AFG1L: variants seen among roughly 807,000 people sequenced by gnomAD.
The protein encoded by AFG1L is AFG1-like ATPase.
In AFG1L, 53 loss-of-function variants were observed where a neutral mutation model predicts 62.2. The observed-to-expected ratio is 0.85, with a 90% CI of 0.68 to 1.07. The LOEUF is 1.07. AFG1L is among the 50% of genes least tolerant of loss of function. AFG1L has a pLI of 0.00. For missense variants in AFG1L, 555 were observed against 590.5 expected (o/e 0.94, Z 0.62); for synonymous variants, 228 against 210.3 (o/e 1.08, Z -0.73).
intron 10 of AFG1L, among the ~76,000 whole-genome samples, chr6:108,502,129 C>T (rs1038175893): frequency 5.3e-5 from 8 of 150,898 alleles, no homozygotes; most frequent in Admixed American, 3.3e-4. Context: ...CAGGTTCAAG[C>T]GATTCTCTTG....
intron 7 of AFG1L, among the ~76,000 whole-genome samples, chr6:108,425,462 C>G (rs1265356869): frequency 6.6e-6 from 1 of 151,512 alleles, no homozygotes; most frequent in Non-Finnish European, 1.5e-5. Context: ...TTTGAAGGCT[C>G]TTTAGAAACA....
intron 6 of AFG1L, among the ~76,000 whole-genome samples, chr6:108,399,158 A>G (rs1331777660): frequency 7.1e-6 from 1 of 140,732 alleles, no homozygotes; most frequent in Admixed American, 7.0e-5. Context: ...TATTGCAAAG[A>G]TCTGTCACTT....
intron 10 of AFG1L, among the ~76,000 whole-genome samples, chr6:108,496,439 A>ATTCTATTC (rs2114864968): frequency 6.6e-6 from 1 of 152,322 alleles, no homozygotes; most frequent in South Asian, 2.1e-4. Context: ...AGGTGAATAG[A>ATTCTATTC]ACTCCCTGTC....
intron 1 of AFG1L, among the ~76,000 whole-genome samples, chr6:108,302,514 C>T (rs1777046231): frequency 6.6e-6 from 1 of 151,802 alleles, no homozygotes; most frequent in Admixed American, 6.6e-5. Context: ...CCTCAAATAC[C>T]TATGAGTTGA....
intron 6 of AFG1L, among the ~76,000 whole-genome samples, chr6:108,396,742 C>T (rs1219072439): frequency 6.6e-6 from 1 of 152,046 alleles, no homozygotes; most frequent in East Asian, 1.9e-4. Context: ...CCACCTGCCT[C>T]AGCCTCCCAA....
intron 7 of AFG1L, among the ~76,000 whole-genome samples, chr6:108,417,261 G>C (rs370250032): frequency 3.3e-4 from 21 of 63,816 alleles, no homozygotes; most frequent in South Asian, 1.2e-3. Context: ...CACACACACA[G>C]ACACGCACAC....
chr6:108,480,224 C>A (rs1371373492), intron 10 of AFG1L, among the ~76,000 whole-genome samples: 1 of 152,010 alleles, frequency 6.6e-6, no homozygotes, highest in African/African-American at 2.4e-5. Flanking sequence ...GTTAGGAGAC[C>A]CTGCAACACA....
intron 10 of AFG1L, among the ~76,000 whole-genome samples, 161 bp downstream of exon 10, chr6:108,477,453 T>C (rs904077684): frequency 1.3e-5 from 2 of 152,242 alleles, no homozygotes; most frequent in African/African-American, 4.8e-5. Flanking sequence ...TGCCATGTGC[T>C]TTTTATAGAT....
intron 10 of AFG1L, among the ~76,000 whole-genome samples, chr6:108,487,721 G>A (rs1773625501): frequency 6.6e-6 from 1 of 152,180 alleles, no homozygotes; most frequent in Non-Finnish European, 1.5e-5. Context: ...GGAAAGGTGA[G>A]CAGAATTTAG....
At chr6:108,384,109 A>G (rs928748993) in intron 6 of AFG1L, among the ~76,000 whole-genome samples, 2 of 151,636 alleles carry the variant, frequency 1.3e-5, no homozygotes, top group Non-Finnish European at 2.9e-5. Flanking sequence ...GAAAGACAAC[A>G]CTTGGAAGAA....
At chr6:108,393,628 A>G (rs925996505) in intron 6 of AFG1L, among the ~76,000 whole-genome samples, 10 of 152,198 alleles carry the variant, frequency 6.6e-5, no homozygotes, top group Admixed American at 1.3e-4. Context: ...ATTGTCATTA[A>G]TGAACTAAAA....
intron 1 of AFG1L, among the ~76,000 whole-genome samples, chr6:108,322,101 T>G (rs887004265): frequency 6.6e-6 from 1 of 152,154 alleles, no homozygotes; most frequent in African/African-American, 2.4e-5. Context: ...AGAGATGAGG[T>G]CCTACTATGT....
intron 10 of AFG1L, among the ~76,000 whole-genome samples, chr6:108,486,476 T>C (rs1054869636): frequency 1.3e-5 from 2 of 152,206 alleles, no homozygotes; most frequent in African/African-American, 4.8e-5. Context: ...TGTTAGAATA[T>C]GCTATTTTTG....
intron 1 of AFG1L, among the ~76,000 whole-genome samples, chr6:108,315,848 G>A (rs1301145899): frequency 1.3e-5 from 2 of 152,142 alleles, no homozygotes; most frequent in Non-Finnish European, 2.9e-5. Context: ...AGGAGTTTAA[G>A]ACCAGCCTGG....
intron 7 of AFG1L, among the ~76,000 whole-genome samples, chr6:108,440,855 AT>A (rs1304849234): frequency 6.6e-6 from 1 of 152,032 alleles, no homozygotes. Context: ...AGTCTCAACC[AT>A]TTTTTCTTTT....
chr6:108,474,726 G>A (rs1411626811), intron 8 of AFG1L, among the ~76,000 whole-genome samples: 7 of 152,206 alleles, frequency 4.6e-5, no homozygotes, highest in Admixed American at 1.3e-4. Flanking sequence ...ACTTTTTGAT[G>A]GGGTTGTTTG....
chr6:108,479,053 A>G (rs1773233279), intron 10 of AFG1L, among the ~76,000 whole-genome samples: 1 of 152,202 alleles, frequency 6.6e-6, no homozygotes, highest in Non-Finnish European at 1.5e-5. Context: ...GTGCAGTGGC[A>G]TGATTATGGC....
intron 1 of AFG1L, among the ~76,000 whole-genome samples, chr6:108,317,441 C>T (rs368622662): frequency 4.6e-5 from 7 of 152,068 alleles, no homozygotes; most frequent in African/African-American, 1.7e-4. Flanking sequence ...GACAACAGGA[C>T]CAGTTGAGTC....
At chr6:108,372,825 T>C (rs1377823867) in intron 6 of AFG1L, 1 of 153,574 alleles carries the variant, frequency 6.5e-6, no homozygotes, top group Non-Finnish European at 1.5e-5. Context: ...AGCAGGGCCA[T>C]GTACAGGAGG....
Sources: gnomAD v4.1 joint callset for allele counts (sites outside exome capture counted in the v4.1 genomes callset) on GRCh38, gnomAD v4.1.1 for gene constraint, MANE v1.5 for transcripts, NCBI Gene and HGNC (gene_info 2026-07-23, HGNC 2026-07-21) for gene names.